The following HBP1 variants were observed in gnomAD, a reference collection of about 807,000 sequenced individuals.
HBP1 encodes HMG-box transcription factor 1.
Under a neutral mutation model 62.6 loss-of-function variants are expected in HBP1, and 20 were observed. That is an observed-to-expected ratio of 0.32 (90% CI 0.22 to 0.46). The LOEUF is 0.46. Among genes scored for constraint, HBP1 ranks in the 20% least tolerant of loss-of-function variants. The pLI is 1.00. For synonymous variants in HBP1, 232 were observed against 206.2 expected (o/e 1.12, Z -1.07); for missense variants, 480 against 611.8 (o/e 0.78, Z 2.27).
intron 1 of HBP1, among the ~76,000 whole-genome samples, chr7:107,171,046 A>AATATATATATATATATATATAT (rs374693805): frequency 5.0e-5 from 3 of 60,504 alleles, no homozygotes; most frequent in African/African-American, 2.3e-4. Context: ...TACATGTATA[A>AATATATATATATATATATATAT]ATATATATAT....
At chr7:107,200,410 C>G (rs894039316) in intron 10 of HBP1, 109 bp downstream of exon 10, 4 of 778,198 alleles carry the variant, frequency 5.1e-6, no homozygotes, top group Admixed American at 3.0e-5. Context: ...GATGCTGTCT[C>G]TAGCATTTTT....
At chr7:107,195,766 A>C in intron 8 of HBP1, 68 bp from the exon 9 acceptor site, 1 of 727,978 alleles carries the variant, frequency 1.4e-6, no homozygotes, top group Non-Finnish European at 2.0e-6. Flanking sequence ...TTTTTTTTTA[A>C]CCTGCTTTTT....
chr7:107,177,065 A>G (rs1043314863), intron 1 of HBP1, among the ~76,000 whole-genome samples: 19 of 152,178 alleles, frequency 1.2e-4, no homozygotes, highest in African/African-American at 4.3e-4. Context: ...TAGCTGTTCT[A>G]TTTAGGACAT....
intron 9 of HBP1, 65 bp from the exon 10 acceptor site, chr7:107,200,095 A>G: frequency 3.1e-6 from 4 of 1,274,926 alleles, no homozygotes; most frequent in South Asian, 3.4e-5. Context: ...CTGAAGTAGC[A>G]GCACTTGACA....
intron 1 of HBP1, among the ~76,000 whole-genome samples, chr7:107,171,557 C>G (rs891260430): frequency 4.6e-5 from 7 of 151,990 alleles, no homozygotes; most frequent in Non-Finnish European, 1.0e-4. Context: ...CCACCCCACG[C>G]ATACATTATC....
At position 107,201,398 on chromosome 7, in the gene HBP1, A is replaced by T; in HGVS notation, c.1528-16A>T. The stretch of plus-strand genomic sequence containing the variant: ...TGATTTGTAAACATTCACTGAGTTT[A>T]ATTTTATTTCCACAGGGCTCACAAC... On this transcript the variant is annotated splice_polypyrimidine_tract_variant and intron_variant, in intron 10 of 10. Transcript: ENST00000222574. 6.5e-7 allele frequency: 1 copy of T among 1,544,488 alleles called. No homozygotes were observed. Among genetic ancestry groups the T allele is most frequent in the East Asian group, 2.3e-5 (1 of 44,330 alleles).
At position 107,201,188 on chromosome 7, in the gene HBP1, T is replaced by C. The variant is rs1331118973; in HGVS notation, c.1528-226T>C. On this transcript the variant is annotated intron_variant, in intron 10 of 10. Transcript: ENST00000222574. ...AATTTAGAATTTCATGTGTTCGGAC[T>C]TTTCCTGTATCCCTTTTCTGTTCAT... 1.5e-5 allele frequency: 6 copies of C among 394,346 alleles called. No homozygotes were observed. The Admixed American group carries it at 1.8e-4, about 12-fold the overall frequency. 24.4% of individuals were successfully genotyped at this position (394,346 alleles called of 1,614,324 possible).
intron 6 of HBP1, among the ~76,000 whole-genome samples, chr7:107,188,975 G>C (rs1352527965): frequency 2.6e-5 from 4 of 152,116 alleles, no homozygotes; most frequent in Admixed American, 2.6e-4. Flanking sequence ...TTGGTGCAAG[G>C]CATCTTTCTA....
chr7:107,169,799 G>T, intron 1 of HBP1: 1 of 985,072 alleles, frequency 1.0e-6, no homozygotes, highest in Non-Finnish European at 1.2e-6. Flanking sequence ...TCCGGGCTGC[G>T]GTCACATGAT....
chr7:107,176,376 T>C (rs1796852534), intron 1 of HBP1, among the ~76,000 whole-genome samples: 1 of 152,166 alleles, frequency 6.6e-6, no homozygotes, highest in South Asian at 2.1e-4. Context: ...AGAACTATGG[T>C]CATTTGCTTA....
At chr7:107,190,401 G>T in intron 8 of HBP1, 84 bp downstream of exon 8, 1 of 845,804 alleles carries the variant, frequency 1.2e-6, no homozygotes, top group Admixed American at 2.5e-5. Flanking sequence ...CAGATATTTA[G>T]GAAGTTCAGT....
chr7:107,171,073 A>ATT (rs60734729), intron 1 of HBP1, among the ~76,000 whole-genome samples: 2,176 of 87,208 alleles, frequency 0.025, 194 homozygotes, highest in Non-Finnish European at 0.031. Flanking sequence ...ATATATATAT[A>ATT]TTTTTTTTTT....
chr7:107,182,396 G>T lies in HBP1; in HGVS notation c.193G>T (p.Val65Phe). ...ELDDLPELQAVQSDPTQSGMY... is the reference protein window; with the variant it reads ...ELDDLPELQAFQSDPTQSGMY... ...AGATGACCTTCCTGAACTTCAGGCAGTTCAAAGTGATCCTACCCAATCTGG... is the reference window on the plus strand; with the variant it reads ...AGATGACCTTCCTGAACTTCAGGCATTTCAAAGTGATCCTACCCAATCTGG... The change falls in exon 3 of 11, where the codon GTT (valine) becomes TTT (phenylalanine). Residue 65 changes from valine to phenylalanine, a missense_variant. Val to Phe is a conservative substitution (Grantham distance 50, BLOSUM62 -1). Transcript: ENST00000222574. 6.2e-7 allele frequency: 1 copy of T among 1,610,892 alleles called. No individual in the cohort carries two copies. Among genetic ancestry groups the T allele is most frequent in the Non-Finnish European group, 8.5e-7 (1 of 1,177,124 alleles).
chr7:107,190,216 C>G lies in HBP1; in HGVS notation c.966C>G (p.Gly322=). The change falls in exon 8 of 11, where the codon GGC becomes GGG. Residue 322 remains glycine, a synonymous_variant. Coordinates refer to ENST00000222574, the MANE Select transcript of HBP1 (RefSeq NM_012257.4). ...FYPSLTVVQH[G]IPCCEVHIGD... ...CAAGCTTGACTGTGGTACAGCATGG[C>G]ATTCCATGTTGTGAAGTTCATATTG... is the stretch of plus-strand genomic sequence containing the variant. 6.2e-7 allele frequency: 1 copy of G among 1,608,078 alleles called. No individual in the cohort carries two copies. The highest frequency in any genetic ancestry group is 8.5e-7 in the Non-Finnish European group (1 of 1,174,830).
At chr7:107,195,745 GTTTTCTTTT>G (rs1194152344) in intron 8 of HBP1, 80 bp from the exon 9 acceptor site, 1 of 639,110 alleles carries the variant, frequency 1.6e-6, no homozygotes, top group Admixed American at 3.7e-5. Flanking sequence ...CCAATCAGAT[GTTTTCTTTT>G]TTTTTTTTTT....
At chr7:107,197,454 T>C (rs1584504897) in intron 9 of HBP1, among the ~76,000 whole-genome samples, 1 of 152,140 alleles carries the variant, frequency 6.6e-6, no homozygotes, top group South Asian at 2.1e-4. Context: ...CTGCAACTTC[T>C]GCCTTGTGGG....
chr7:107,174,569 G>C, intron 1 of HBP1: 8 of 985,370 alleles, frequency 8.1e-6, no homozygotes, highest in Non-Finnish European at 9.6e-6. Flanking sequence ...CTGTAGGGAA[G>C]AAAAAAGTTC....
chr7:107,188,759 T>G (rs1009273531), intron 6 of HBP1, among the ~76,000 whole-genome samples: 7 of 152,180 alleles, frequency 4.6e-5, no homozygotes, highest in Non-Finnish European at 1.0e-4. Context: ...ACCATCATCT[T>G]AAAAATTGAC....
At position 107,186,433 on chromosome 7, in the gene HBP1, A is replaced by G; in HGVS notation, c.613A>G (p.Asn205Asp). The stretch of plus-strand genomic sequence containing the variant: ...AGATGATGATGATTTGGGATGGTGC[A>G]ATTCCTGGCCTTCAACTGTCTGGCA... ...LSDDDDLGWC[N>D]SWPSTVWHCF... Residue 205 changes from asparagine (N) to aspartate (D), a missense_variant, in exon 5 of 11, where the codon AAT becomes GAT. Physicochemically the swap from Asn to Asp is conservative, Grantham distance 23. Around this residue, in one of 4 missense-constraint regions of HBP1, gnomAD observed 304 missense variants for 330.9 expected, o/e 0.92. Coordinates refer to ENST00000222574, the MANE Select transcript of HBP1 (RefSeq NM_012257.4). 1 of 1,613,304 alleles carries G rather than the reference A, an allele frequency of 6.2e-7. No individual in the cohort carries two copies. The highest frequency in any genetic ancestry group is 1.1e-5 in the South Asian group (1 of 91,016).
Sources: allele counts gnomAD v4.1 joint callset (sites outside exome capture counted in the v4.1 genomes callset), GRCh38; gene constraint gnomAD v4.1.1; regional missense constraint gnomAD v4.1.1; transcripts MANE v1.5; gene names NCBI Gene and HGNC (gene_info 2026-07-23, HGNC 2026-07-21).